The following ZNF804B variants were observed in gnomAD, a reference collection of about 807,000 sequenced individuals.
ZNF804B encodes zinc finger 804B.
Under a neutral mutation model 101.4 loss-of-function variants are expected in ZNF804B, and 80 were observed. That is an observed-to-expected ratio of 0.79 (90% confidence interval 0.66 to 0.95). The LOEUF (loss-of-function observed/expected upper bound fraction) is 0.95. ZNF804B is among the 40% of genes least tolerant of loss of function. The probability of loss-of-function intolerance (pLI) is 0.00; values close to 1 mark genes in which losing one functional copy is unlikely to be tolerated. For synonymous variants in ZNF804B, 622 were observed against 558.8 expected (o/e 1.11, Z -1.59); for missense variants, 1,673 against 1,561.9 (o/e 1.07, Z -1.20).
chr7:89,273,594 T>C (rs1789931609), intron 2 of ZNF804B, among the ~76,000 whole-genome samples: 1 of 152,148 alleles, frequency 6.6e-6, no homozygotes, highest in Admixed American at 6.6e-5. Flanking sequence ...TATGACACAA[T>C]TGAAGAAACA....
At chr7:89,079,438 CCTTCACT>C (rs1236732704) in intron 1 of ZNF804B, among the ~76,000 whole-genome samples, 1 of 151,926 alleles carries the variant, frequency 6.6e-6, no homozygotes, top group Non-Finnish European at 1.5e-5. Flanking sequence ...AATACAGAGT[CCTTCACT>C]CTTAGGCAGG....
chr7:89,087,188 G>A (rs532003993), intron 1 of ZNF804B, among the ~76,000 whole-genome samples: 22 of 151,906 alleles, frequency 1.4e-4, no homozygotes, highest in South Asian at 1.2e-3. Flanking sequence ...TTCATTTTTG[G>A]TAACGTAACT....
chr7:88,772,142 G>T (rs1332146629), intron 1 of ZNF804B, among the ~76,000 whole-genome samples: 1 of 152,124 alleles, frequency 6.6e-6, no homozygotes, highest in Non-Finnish European at 1.5e-5. Context: ...TACGTTTAAT[G>T]TTCTTCTTTC....
intron 1 of ZNF804B, among the ~76,000 whole-genome samples, chr7:89,139,686 A>G (rs1017886740): frequency 2.0e-5 from 3 of 152,072 alleles, no homozygotes; most frequent in Non-Finnish European, 4.4e-5. Context: ...TTGTCATGTG[A>G]TTGCAGCAAT....
chr7:88,779,426 A>G (rs1201185036), intron 1 of ZNF804B, among the ~76,000 whole-genome samples: 2 of 152,162 alleles, frequency 1.3e-5, no homozygotes, highest in African/African-American at 4.8e-5. Context: ...TTTTTCCGCT[A>G]GTAACTCCTG....
intron 1 of ZNF804B, among the ~76,000 whole-genome samples, chr7:88,839,199 T>C (rs1292206380): frequency 1.3e-5 from 2 of 151,938 alleles, no homozygotes; most frequent in Non-Finnish European, 2.9e-5. Context: ...AAAACCTGGG[T>C]TCCTAGCATC....
At chr7:89,163,185 C>G (rs1791093120) in intron 1 of ZNF804B, among the ~76,000 whole-genome samples, 1 of 152,190 alleles carries the variant, frequency 6.6e-6, no homozygotes, top group South Asian at 2.1e-4. Context: ...TGTTTAAAGA[C>G]ATGATGGAGA....
intron 1 of ZNF804B, among the ~76,000 whole-genome samples, chr7:89,076,936 G>A (rs2116306733): frequency 6.6e-6 from 1 of 152,266 alleles, no homozygotes; most frequent in African/African-American, 2.4e-5. Context: ...CACAGGGGTG[G>A]CCCACATAGG....
chr7:89,066,579 G>GA (rs747370565), intron 1 of ZNF804B, among the ~76,000 whole-genome samples: 28 of 152,096 alleles, frequency 1.8e-4, no homozygotes, highest in Non-Finnish European at 3.7e-4. Context: ...AAACATGCTA[G>GA]AAGACAGACT....
intron 1 of ZNF804B, among the ~76,000 whole-genome samples, chr7:89,073,400 G>T (rs1195077684): frequency 6.6e-6 from 1 of 152,070 alleles, no homozygotes; most frequent in Non-Finnish European, 1.5e-5. Context: ...TCAGTAGAAA[G>T]AAATTATTCT....
chr7:89,228,541 T>C (rs1024068799), intron 2 of ZNF804B, among the ~76,000 whole-genome samples: 2 of 152,150 alleles, frequency 1.3e-5, no homozygotes, highest in Admixed American at 1.3e-4. Context: ...ATACAGAGTG[T>C]CGATTGGTGC....
intron 1 of ZNF804B, among the ~76,000 whole-genome samples, chr7:88,779,459 CATGGTGACTAAATATCTCCCT>C (rs749603101): frequency 2.0e-5 from 3 of 152,122 alleles, no homozygotes; most frequent in Non-Finnish European, 4.4e-5. Context: ...GTGAAGCTTC[CATGGTGACTAAATATCTCCCT>C]AGTGCCCAGT....
chr7:88,906,354 G>T (rs940752277), intron 1 of ZNF804B, among the ~76,000 whole-genome samples: 2 of 152,052 alleles, frequency 1.3e-5, no homozygotes, highest in Admixed American at 1.3e-4. Flanking sequence ...TTGTTAACTT[G>T]AGATCTTTCT....
chr7:88,882,083 G>A (rs1157806356), intron 1 of ZNF804B, among the ~76,000 whole-genome samples: 2 of 152,046 alleles, frequency 1.3e-5, no homozygotes, highest in East Asian at 1.9e-4. Context: ...AAAACATAAC[G>A]AAAGCTCCAG....
chr7:89,160,326 G>T (rs1015901343), intron 1 of ZNF804B, among the ~76,000 whole-genome samples: 3 of 152,014 alleles, frequency 2.0e-5, no homozygotes, highest in African/African-American at 7.2e-5. Context: ...AATAAAATTT[G>T]ACATGCTCAG....
At chr7:89,230,615 A>T (rs1789177268) in intron 2 of ZNF804B, among the ~76,000 whole-genome samples, 1 of 152,130 alleles carries the variant, frequency 6.6e-6, no homozygotes, top group African/African-American at 2.4e-5. Flanking sequence ...TCCCAGAAAT[A>T]GACATGCACT....
chr7:89,129,546 T>C (rs1400286399), intron 1 of ZNF804B, among the ~76,000 whole-genome samples: 3 of 152,014 alleles, frequency 2.0e-5, no homozygotes, highest in Admixed American at 2.0e-4. Flanking sequence ...TTGAGAACAA[T>C]ACAGTAGTTC....
intron 1 of ZNF804B, among the ~76,000 whole-genome samples, chr7:89,058,781 C>T (rs961239926): frequency 3.3e-5 from 5 of 152,148 alleles, no homozygotes; most frequent in Non-Finnish European, 7.4e-5. Context: ...GCAACCTTGA[C>T]CTCCCAGGCT....
chr7:89,214,402 T>G (rs1484041058), intron 1 of ZNF804B, among the ~76,000 whole-genome samples: 1 of 152,180 alleles, frequency 6.6e-6, no homozygotes, highest in Non-Finnish European at 1.5e-5. Flanking sequence ...CTTGTATCTA[T>G]AATTCTTTCT....
Sources: gnomAD v4.1 joint callset for allele counts (sites outside exome capture counted in the v4.1 genomes callset) on GRCh38, gnomAD v4.1.1 for gene constraint, MANE v1.5 for transcripts, NCBI Gene and HGNC (gene_info 2026-07-23, HGNC 2026-07-21) for gene names.